The following MDGA2 variants were observed in gnomAD, a reference collection of about 807,000 sequenced individuals.
The protein encoded by MDGA2 is MAM domain containing glycosylphosphatidylinositol anchor 2.
MDGA2 carries 40 observed loss-of-function variants against 117.8 expected under a neutral mutation model. The ratio of observed to expected loss-of-function variants is 0.34; its 90% CI spans 0.26 to 0.44. MDGA2 has a LOEUF of 0.44. Ranked by LOEUF, MDGA2 falls within the 20% of genes least tolerant of loss-of-function variation. MDGA2 has a pLI of 1.00. For missense variants in MDGA2, 1,123 were observed against 1,250.6 expected, an observed-to-expected ratio of 0.90 and a Z score of 1.54; for synonymous variants, 452 against 439.0, an observed-to-expected ratio of 1.03 and a Z score of -0.37.
intron 5 of MDGA2, 149 bp from the exon 6 acceptor site, chr14:47,097,272 A>T (rs10140596): frequency 0.21 from 153,464 of 715,818 alleles, 18,730 homozygotes; most frequent in East Asian, 0.46. Context: ...AAATTTAAAC[A>T]AGATTTAATG....
At chr14:47,055,019 T>TC (rs58752216) in intron 7 of MDGA2, among the ~76,000 whole-genome samples, 5 of 143,102 alleles carry the variant, frequency 3.5e-5, no homozygotes, top group Non-Finnish European at 6.1e-5. Context: ...TTTTTTTTTT[T>TC]CCAACAGATC....
intron 3 of MDGA2, among the ~76,000 whole-genome samples, chr14:47,187,445 A>G (rs1884951746): frequency 6.6e-6 from 1 of 152,070 alleles, no homozygotes; most frequent in African/African-American, 2.4e-5. Context: ...ATTTTTAGCA[A>G]GTAACTTTGA....
intron 14 of MDGA2, among the ~76,000 whole-genome samples, chr14:46,860,957 T>C (rs1220918199): frequency 1.3e-5 from 2 of 151,956 alleles, no homozygotes; most frequent in Non-Finnish European, 2.9e-5. Context: ...TTTTATTCTA[T>C]GGAATCTTCA....
intron 7 of MDGA2, among the ~76,000 whole-genome samples, chr14:47,049,141 C>CAA (rs1889365034): frequency 1.3e-5 from 2 of 152,038 alleles, no homozygotes; most frequent in Non-Finnish European, 2.9e-5. Flanking sequence ...GGACTACTTA[C>CAA]GTTTCATTTA....
intron 16 of MDGA2, among the ~76,000 whole-genome samples, chr14:46,845,162 C>G (rs1334160348): frequency 6.6e-6 from 1 of 152,156 alleles, no homozygotes; most frequent in Non-Finnish European, 1.5e-5. Context: ...GGATTACAGG[C>G]GTGAGCCACC....
At chr14:47,499,870 C>T (rs1333979498) in intron 1 of MDGA2, among the ~76,000 whole-genome samples, 2 of 152,068 alleles carry the variant, frequency 1.3e-5, no homozygotes, top group Non-Finnish European at 1.5e-5. Context: ...TGCATTCTCT[C>T]ATTTTGTGTC....
chr14:46,949,612 A>G (rs74398227), intron 9 of MDGA2, among the ~76,000 whole-genome samples: 9,893 of 151,714 alleles, frequency 0.065, 436 homozygotes, highest in Middle Eastern at 0.12. Flanking sequence ...CTGAGTTTTG[A>G]TTTTCTGTTT....
At chr14:47,405,241 C>T (rs903992204) in intron 1 of MDGA2, among the ~76,000 whole-genome samples, 1 of 152,116 alleles carries the variant, frequency 6.6e-6, no homozygotes, top group African/African-American at 2.4e-5. Context: ...CTTCATCTTA[C>T]AGTTCTTAAT....
intron 2 of MDGA2, among the ~76,000 whole-genome samples, chr14:47,218,402 G>T (rs1040301247): frequency 3.9e-4 from 60 of 152,080 alleles, no homozygotes; most frequent in African/African-American, 1.4e-3. Context: ...TGTGTAATTT[G>T]AATTCAATTG....
intron 2 of MDGA2, among the ~76,000 whole-genome samples, chr14:47,275,445 T>A (rs936529257): frequency 6.6e-6 from 1 of 152,084 alleles, no homozygotes; most frequent in Non-Finnish European, 1.5e-5. Context: ...AATATAAACA[T>A]TTAAAAAATA....
chr14:46,881,435 A>C (rs1882455012), intron 11 of MDGA2, among the ~76,000 whole-genome samples: 1 of 152,178 alleles, frequency 6.6e-6, no homozygotes, highest in African/African-American at 2.4e-5. Flanking sequence ...ATGGTGGAGA[A>C]ATTATATACA....
At chr14:47,630,378 A>ATG (rs1897233904) in intron 1 of MDGA2, among the ~76,000 whole-genome samples, 2 of 152,198 alleles carry the variant, frequency 1.3e-5, no homozygotes, top group African/African-American at 2.4e-5. Context: ...GTGTCTATGT[A>ATG]TGTGTATAAG....
At chr14:47,293,186 T>C (rs929122584) in intron 2 of MDGA2, among the ~76,000 whole-genome samples, 4 of 152,140 alleles carry the variant, frequency 2.6e-5, no homozygotes, top group African/African-American at 9.7e-5. Context: ...TCTCATATAA[T>C]AAATATGTGC....
At chr14:47,627,469 G>A (rs140381386) in intron 1 of MDGA2, among the ~76,000 whole-genome samples, 1 of 152,150 alleles carries the variant, frequency 6.6e-6, no homozygotes, top group Non-Finnish European at 1.5e-5. Flanking sequence ...TGCACCAATC[G>A]CACTCTGTGT....
chr14:46,854,978 T>A (rs142247496), intron 15 of MDGA2, 46 bp downstream of exon 15: 3 of 1,488,870 alleles, frequency 2.0e-6, no homozygotes, highest in Non-Finnish European at 2.7e-6. Flanking sequence ...ACCTTTAATA[T>A]TATGCTCATT....
At chr14:47,231,194 T>G (rs774428860) in intron 2 of MDGA2, among the ~76,000 whole-genome samples, 1 of 152,048 alleles carries the variant, frequency 6.6e-6, no homozygotes. Context: ...AGCATCTGTA[T>G]TGACTGTTTT....
intron 10 of MDGA2, among the ~76,000 whole-genome samples, chr14:46,885,096 C>A (rs1882621357): frequency 1.3e-5 from 2 of 152,086 alleles, no homozygotes; most frequent in Non-Finnish European, 2.9e-5. Flanking sequence ...GATCACCCAA[C>A]TCAGCCTCCT....
intron 1 of MDGA2, among the ~76,000 whole-genome samples, chr14:47,545,688 G>T (rs540219222): frequency 6.6e-6 from 1 of 152,028 alleles, no homozygotes; most frequent in African/African-American, 2.4e-5. Flanking sequence ...AATCGTCATG[G>T]TCAAAGGAAA....
intron 1 of MDGA2, among the ~76,000 whole-genome samples, chr14:47,421,786 T>C (rs1892584670): frequency 6.6e-6 from 1 of 152,186 alleles, no homozygotes; most frequent in South Asian, 2.1e-4. Flanking sequence ...AACTCTCGCA[T>C]TGCAAAAACT....
Sources: gnomAD v4.1 joint callset for allele counts (sites outside exome capture counted in the v4.1 genomes callset) on GRCh38, gnomAD v4.1.1 for gene constraint, MANE v1.5 for transcripts, NCBI Gene and HGNC (gene_info 2026-07-23, HGNC 2026-07-21) for gene names.